The following KCP variants were observed in gnomAD, a reference collection of about 807,000 sequenced individuals.
KCP encodes the protein kielin/chordin-like protein.
KCP carries 194 observed loss-of-function variants against 212.7 expected under a neutral mutation model. The ratio of observed to expected loss-of-function variants is 0.91; its 90% CI spans 0.81 to 1.03. KCP has a LOEUF of 1.03. Ranked by LOEUF, KCP falls within the 50% of genes least tolerant of loss-of-function variation. The pLI is 0.00. For synonymous variants in KCP, 833 were observed against 865.3 expected (o/e 0.96, Z 0.65); for missense variants, 2,080 against 2,162.5 (o/e 0.96, Z 0.76).
At chr7:128,903,923 T>A in intron 6 of KCP, 103 bp from the exon 7 acceptor site, 1 of 1,365,984 alleles carries the variant, frequency 7.3e-7, no homozygotes, top group Non-Finnish European at 1.0e-6. Context: ...AGGGCAGGGA[T>A]GGAGGGAGAA....
chr7:128,885,025 C>T, intron 27 of KCP, 72 bp downstream of exon 27: 2 of 1,540,236 alleles, frequency 1.3e-6, no homozygotes, highest in Non-Finnish European at 1.8e-6. Flanking sequence ...CCACCCGGCC[C>T]AGCAGCGGCA....
chr7:128,880,043 A>G lies in KCP; in HGVS notation c.3802T>C (p.Cys1268Arg). Reference protein sequence around the residue: ...ALSPGSCCPRCLPRPASCMAF... With the variant: ...ALSPGSCCPRRLPRPASCMAF... ...ATGCAGGAAGCGGGCCGAGGCAGGC[A>G]GCGGGGGCAGCAGCTGCCAGGACTC... Residue 1268 changes from cysteine (C) to arginine (R), a missense_variant, in exon 35 of 40, where the codon TGC (cysteine) becomes CGC (arginine). Coordinates refer to ENST00000610776, the MANE Select transcript of KCP (RefSeq NM_001366122.1). 3.2e-6 allele frequency: 5 copies of G among 1,548,104 alleles called. No homozygotes were observed. Among genetic ancestry groups the G allele is most frequent in the Non-Finnish European group, 4.4e-6 (5 of 1,146,382 alleles).
intron 2 of KCP, 68 bp downstream of exon 2, chr7:128,908,358 T>C: frequency 6.8e-7 from 1 of 1,460,540 alleles, no homozygotes; most frequent in Non-Finnish European, 9.2e-7. Context: ...CAAGCCTAAC[T>C]CCTTCTCTCC....
In KCP at chr7:128,884,553, G is replaced by A. The variant is rs189161765; in HGVS notation, c.3123+228C>T. Among the ~76,000 whole-genome samples the A allele has an allele frequency of 1.6e-3, 237 of 152,326 alleles. 5 individuals carry two copies. In the South Asian group the frequency reaches 0.044, roughly 28 times the overall value. On this transcript the variant is annotated intron_variant, in intron 28 of 39. Transcript: ENST00000610776. ...CACCCGCCCTGCACTGCAGCCAGGG[G>A]GGCCACCTACGGCCTCCTGCACACT...
rs1022248216 is a variant in KCP, at chr7:128,885,116, G to A, written c.3021C>T (p.Asp1007=). The A allele has an allele frequency of 1.3e-6, 2 of 1,550,740 alleles. No homozygotes were observed. The highest frequency in any genetic ancestry group is 2.7e-5 in the African/African-American group (2 of 73,072). Residue 1007 remains aspartate (D), a synonymous_variant, in exon 27 of 40, where the codon GAC becomes GAT. Transcript: ENST00000610776. ...SCAQPRQGPH[D]CCPQCSDCEH... ...CAGTACCAGAGCATTGAGGACAGCAGTCATGGGGCCCTTGGCGGGGCTGGG... is the reference window on the plus strand; with the variant it reads ...CAGTACCAGAGCATTGAGGACAGCAATCATGGGGCCCTTGGCGGGGCTGGG...
Position 128,892,954 on chromosome 7 carries a change from G to T in KCP, c.1335C>A (p.Thr445=), listed in dbSNP as rs752029149. Residue 445 remains threonine, a synonymous_variant, in exon 14 of 40, where the codon ACC becomes ACA. Transcript: ENST00000610776. ...GTACCCCATCTTGACAGACGCAGGC[G>T]GTGCAGGGCCGACCATCAGGCTCCC... ...VQWEPDGRPC[T]ACVCQDGVPK... is the part of the protein sequence containing the mutation. The T allele has an allele frequency of 2.2e-6, 3 of 1,343,952 alleles. No individual in the cohort carries two copies. Among genetic ancestry groups the T allele is most frequent in the African/African-American group, 1.4e-5 (1 of 68,978 alleles). 83.3% of individuals were successfully genotyped at this position (1,343,952 alleles called of 1,614,324 possible).
At position 128,890,438 on chromosome 7, in the gene KCP, A is replaced by G. The variant is rs530914813; in HGVS notation, c.2240T>C (p.Leu747Pro). Residue 747 changes from leucine (L) to proline (P), a missense_variant, in exon 21 of 40, where the codon CTT becomes CCT. Leu to Pro is a moderately conservative substitution (Grantham distance 98). Transcript: ENST00000610776. Reference sequence around the variant, plus strand: ...GCAGCTCACGCTGCCCTCCCAGCAAAGGCAGAGGTGGCAGGCAGCAGTGGG... The same window carrying G: ...GCAGCTCACGCTGCCCTCCCAGCAAGGGCAGAGGTGGCAGGCAGCAGTGGG... The part of the protein sequence containing the change: ...PSPTAACHLC[L>P]CWEGSVSCEP... 2.3e-5 allele frequency: 36 copies of G among 1,551,126 alleles called. No individual in the cohort carries two copies. The African/African-American group carries it at 4.1e-4, about 18-fold the overall frequency.
Position 128,893,566 on chromosome 7 carries a change from C to A in KCP, c.1100-90G>T. ...CTGAGGTGTCCAACCCCCACCCTGACAAAGAAGACCCAGCCGAGTTCTCCA... is the reference window on the plus strand; with the variant it reads ...CTGAGGTGTCCAACCCCCACCCTGAAAAAGAAGACCCAGCCGAGTTCTCCA... On this transcript the variant is annotated intron_variant, in intron 11 of 39. Transcript: ENST00000610776. 1.8e-6 allele frequency: 2 copies of A among 1,107,914 alleles called. No individual in the cohort carries two copies. The highest frequency in any genetic ancestry group is 2.6e-6 in the Non-Finnish European group (2 of 759,626). 68.6% of individuals were successfully genotyped at this position (1,107,914 alleles called of 1,614,324 possible).
intron 2 of KCP, 128 bp downstream of exon 2, chr7:128,908,298 G>GA: frequency 2.9e-6 from 2 of 685,376 alleles, no homozygotes; most frequent in Non-Finnish European, 4.1e-6. Flanking sequence ...AAGAAAGAAA[G>GA]AAAGAAAGGG....
At position 128,893,278 on chromosome 7, in the gene KCP, G is replaced by C. The variant is rs1279816760; in HGVS notation, c.1227C>G (p.Thr409=). ...VSCEEQECPV[T]PCALPASGRQ... ...GGCCAGAGGCAGGCAGGGCACAGGG[G>C]GTGACTGGGCACTCCTGCTCCTCAC... Residue 409 remains threonine (T), a synonymous_variant, in exon 13 of 40, where the codon ACC becomes ACG. Coordinates refer to ENST00000610776, the MANE Select transcript of KCP (RefSeq NM_001366122.1). 6.4e-7 allele frequency: 1 copy of C among 1,551,504 alleles called. No individual in the cohort carries two copies. The highest frequency in any genetic ancestry group is 1.2e-5 in the South Asian group (1 of 84,060).
chr7:128,885,232 T>C lies in KCP; in HGVS notation c.2905A>G (p.Arg969Gly). 6.5e-7 allele frequency: 1 copy of C among 1,550,320 alleles called. No individual in the cohort carries two copies. Reference sequence around the variant, plus strand: ...CAGGCACTGTCGGGGGGCACCCATCTACTGCCTTCGGGGTGCTCTTCCCCA... The same window carrying C: ...CAGGCACTGTCGGGGGGCACCCATCCACTGCCTTCGGGGTGCTCTTCCCCA... ...AHGEEHPEGS[R>G]WVPPDSACSS... Residue 969 changes from arginine (R) to glycine (G), a missense_variant, in exon 27 of 40, where the codon AGA becomes GGA. Physicochemically the swap from Arg to Gly is moderately radical, Grantham distance 125 (BLOSUM62 -2). Transcript: ENST00000610776.
chr7:128,888,141 G>C (rs984091143), intron 22 of KCP, among the ~76,000 whole-genome samples: 193 of 88,878 alleles, frequency 2.2e-3, no homozygotes, highest in African/African-American at 9.3e-3. Flanking sequence ...CACACACACA[G>C]GGCCACACAC....
At chr7:128,890,200 T>C (rs1456238389) in intron 21 of KCP, 143 bp downstream of exon 21, 2 of 1,493,148 alleles carry the variant, frequency 1.3e-6, no homozygotes, top group South Asian at 2.5e-5. Flanking sequence ...GGTCACAGGC[T>C]TCAGCTAGGG....
intron 5 of KCP, among the ~76,000 whole-genome samples, 171 bp downstream of exon 5, chr7:128,906,108 C>T (rs1244145004): frequency 6.6e-6 from 1 of 152,210 alleles, no homozygotes; most frequent in Non-Finnish European, 1.5e-5. Context: ...CAGTCCCAGG[C>T]CAGAGCCAGT....
In KCP at chr7:128,907,256, G is replaced by A. The variant is rs1044809770; in HGVS notation, c.409+8C>T. ...GTGGCCCCAGTGGGCGGATAGGGTG[G>A]CACTTACCCCTGCAATGGGGCAGGT... is the stretch of plus-strand genomic sequence containing the variant. On this transcript the variant is annotated splice_region_variant and intron_variant, in intron 3 of 39. Coordinates refer to ENST00000610776, the MANE Select transcript of KCP (RefSeq NM_001366122.1). The A allele has an allele frequency of 1.3e-6, 2 of 1,534,338 alleles. No homozygotes were observed. Among genetic ancestry groups the A allele is most frequent in the African/African-American group, 1.4e-5 (1 of 72,862 alleles).
intron 37 of KCP, chr7:128,879,090 G>A (rs1793161661): frequency 1.1e-5 from 4 of 365,166 alleles, no homozygotes; most frequent in East Asian, 5.1e-5. Context: ...CGGATTAGAA[G>A]TGTACACCCT....
chr7:128,894,136 C>T (rs1794370655), intron 9 of KCP, 64 bp downstream of exon 9: 1 of 1,511,012 alleles, frequency 6.6e-7, no homozygotes, highest in Non-Finnish European at 8.9e-7. Context: ...CCGAGCAGGG[C>T]CACCCATCAA....
At chr7:128,890,238 G>A (rs1384110346) in intron 21 of KCP, 105 bp downstream of exon 21, 4 of 1,541,968 alleles carry the variant, frequency 2.6e-6, no homozygotes, top group Non-Finnish European at 3.5e-6. Flanking sequence ...TTTTCTTACT[G>A]TAATAAATAT....
Position 128,910,611 on chromosome 7 carries a change from C to T in KCP, c.66G>A (p.Ala22=), listed in dbSNP as rs928310077. The part of the protein sequence containing the change: ...LLHLGALALA[A]GAEGGAVPRE... ...CGCACCTGGACTCACCTTCCGCGCC[C>T]GCGGCCAGCGCCAGGGCCCCGAGGT... The change falls in exon 1 of 40, where the codon GCG becomes GCA. Residue 22 remains alanine (A), a synonymous_variant. Transcript: ENST00000610776. 1 of 1,515,890 alleles carries T rather than the reference C, an allele frequency of 6.6e-7. No homozygotes were observed. 93.9% of individuals were successfully genotyped at this position (1,515,890 alleles called of 1,614,324 possible).
Sources: allele counts gnomAD v4.1 joint callset (sites outside exome capture counted in the v4.1 genomes callset), GRCh38; gene constraint gnomAD v4.1.1; transcripts MANE v1.5; gene names NCBI Gene and HGNC (gene_info 2026-07-23, HGNC 2026-07-21).